The following PROM1 variants were observed in gnomAD, a reference collection of about 807,000 sequenced individuals.
PROM1 encodes the protein prominin 1, also known as prominin-1.
A neutral mutation model predicts 116.9 loss-of-function variants in PROM1; 105 were observed. The ratio of observed to expected loss-of-function variants is 0.90; its 90% CI spans 0.77 to 1.06. PROM1 has a LOEUF of 1.06. Among genes scored for constraint, PROM1 ranks in the 50% least tolerant of loss-of-function variants. PROM1 has a pLI of 0.00. For missense variants in PROM1, 1,122 were observed against 1,045.2 expected, an observed-to-expected ratio of 1.07 and a Z score of -1.01; for synonymous variants, 393 against 387.0, an observed-to-expected ratio of 1.02 and a Z score of -0.18.
rs564943608 is a variant in PROM1 at position 15,992,440 on chromosome 4, C to A, written c.1768-49G>T. ...TCAGTCCCTTATTCTCCAAGAATGTCACAAACCAAATGCTTTAAAAGAGCA... is the reference window on the plus strand; with the variant it reads ...TCAGTCCCTTATTCTCCAAGAATGTAACAAACCAAATGCTTTAAAAGAGCA... On this transcript the variant is annotated intron_variant, in intron 16 of 27. Coordinates refer to ENST00000447510, the MANE Select transcript of PROM1 (RefSeq NM_006017.3). 5 of 1,588,502 alleles carry A rather than the reference C, an allele frequency of 3.1e-6. 1 individual carries two copies. The South Asian group carries it at 5.6e-5, about 18-fold the overall frequency.
chr4:16,054,442 T>C (rs1025583672), intron 2 of PROM1, among the ~76,000 whole-genome samples: 1 of 152,234 alleles, frequency 6.6e-6, no homozygotes, highest in African/African-American at 2.4e-5. Flanking sequence ...TGTTCTAGCA[T>C]AATCATTACC....
intron 2 of PROM1, among the ~76,000 whole-genome samples, chr4:16,058,756 A>C (rs1315221683): frequency 1.3e-5 from 2 of 152,200 alleles, no homozygotes; most frequent in African/African-American, 2.4e-5. Context: ...TTAGGAAATA[A>C]GCATAAAAAT....
rs1245585495 is a variant in PROM1 at position 16,000,556 on chromosome 4, G to C, written c.1518C>G (p.Val506=). 1 of 1,590,998 alleles carries C rather than the reference G, an allele frequency of 6.3e-7. No homozygotes were observed. The highest frequency in any genetic ancestry group is 1.3e-5 in the African/African-American group (1 of 74,360). The change falls in exon 14 of 28, where the codon GTC becomes GTG. Residue 506 remains valine, a synonymous_variant. Transcript: ENST00000447510. ...ILMIIVVLTF[V]FGANVEKLIC... ...TCAGTTTTTCCACATTTGCACCAAA[G>C]ACAAAGGTAAGAACCACAATGATCA...
chr4:16,077,346 TGTCTATGATGC>T (rs1426016105), intron 1 of PROM1, among the ~76,000 whole-genome samples: 1 of 152,222 alleles, frequency 6.6e-6, no homozygotes, highest in Non-Finnish European at 1.5e-5. Flanking sequence ...TTCTTTACCT[TGTCTATGATGC>T]AGAAACCTTT....
intron 3 of PROM1, among the ~76,000 whole-genome samples, chr4:16,038,363 G>A (rs563104450): frequency 1.8e-4 from 27 of 152,236 alleles, no homozygotes; most frequent in African/African-American, 6.3e-4. Context: ...GAAAAGTAGC[G>A]TAATATTTCT....
At chr4:15,987,524 C>T (rs1719748744) in intron 20 of PROM1, 139 bp downstream of exon 20, 1 of 882,140 alleles carries the variant, frequency 1.1e-6, no homozygotes, top group African/African-American at 1.7e-5. Context: ...TAGGAAAGCC[C>T]AATTTGCTAT....
chr4:15,993,902 C>T, intron 16 of PROM1, 85 bp downstream of exon 16: 1 of 1,549,894 alleles, frequency 6.5e-7, no homozygotes, highest in Non-Finnish European at 8.7e-7. Context: ...TTGCAAATTT[C>T]ATCTCAATTT....
chr4:16,056,449 T>C (rs1187306735), intron 2 of PROM1, among the ~76,000 whole-genome samples: 3 of 152,096 alleles, frequency 2.0e-5, no homozygotes, highest in African/African-American at 4.8e-5. Context: ...TCTGGGGCTA[T>C]TGTATGGAGG....
At chr4:15,999,936 G>C (rs537906889) in intron 14 of PROM1, among the ~76,000 whole-genome samples, 13 of 152,198 alleles carry the variant, frequency 8.5e-5, no homozygotes, top group Non-Finnish European at 1.6e-4. Flanking sequence ...CTGCCAACTG[G>C]TCCCCCGGAG....
chr4:15,983,327 T>C (rs1432696804), intron 23 of PROM1, among the ~76,000 whole-genome samples: 2 of 152,194 alleles, frequency 1.3e-5, no homozygotes, highest in African/African-American at 4.8e-5. Flanking sequence ...ATGTGACCTC[T>C]CACTGAATCA....
At chr4:16,080,861 A>G (rs1235065198) in intron 1 of PROM1, among the ~76,000 whole-genome samples, 3 of 152,122 alleles carry the variant, frequency 2.0e-5, no homozygotes, top group Non-Finnish European at 4.4e-5. Flanking sequence ...TCATTCCAGC[A>G]ATGATGGCAG....
chr4:16,043,174 G>A (rs571609538), intron 2 of PROM1, among the ~76,000 whole-genome samples: 1 of 152,306 alleles, frequency 6.6e-6, no homozygotes, highest in African/African-American at 2.4e-5. Context: ...GACCCACAGT[G>A]TGTGAGTGAG....
At chr4:16,036,576 C>T (rs1733991839) in intron 3 of PROM1, among the ~76,000 whole-genome samples, 1 of 152,204 alleles carries the variant, frequency 6.6e-6, no homozygotes, top group Non-Finnish European at 1.5e-5. Context: ...TCACCAGACA[C>T]AAAGAAGCAC....
At position 16,033,441 on chromosome 4, in the gene PROM1, A is replaced by G. The variant is rs760877748; in HGVS notation, c.372T>C (p.Pro124=). Residue 124 remains proline, a synonymous_variant, in exon 5 of 28, where the codon CCT becomes CCC. Coordinates refer to ENST00000447510, the MANE Select transcript of PROM1 (RefSeq NM_006017.3). ...VLGLLFIILM[P]LVGYFFCMCR... is the part of the protein sequence containing the mutation. ...ACATACAAAAGAAATACCCCACCAG[A>G]GGCATCAGAATAATAAACAGCAGCC... The G allele has an allele frequency of 6.2e-7, 1 of 1,613,686 alleles. No individual in the cohort carries two copies. The highest frequency in any genetic ancestry group is 1.1e-5 in the South Asian group (1 of 90,992).
chr4:16,034,498 G>A (rs1733546490), intron 4 of PROM1, among the ~76,000 whole-genome samples: 1 of 152,146 alleles, frequency 6.6e-6, no homozygotes, highest in South Asian at 2.1e-4. Context: ...CCGTGTCTCA[G>A]ACGGTTCCTG....
chr4:16,042,717 C>T (rs1735626950), intron 2 of PROM1, among the ~76,000 whole-genome samples: 1 of 152,186 alleles, frequency 6.6e-6, no homozygotes, highest in South Asian at 2.1e-4. Flanking sequence ...AAAACTAGCA[C>T]TTGCACAGTT....
Position 16,076,070 on chromosome 4 carries a change from G to A in PROM1, c.-164C>T, listed in dbSNP as rs1743892978. The A allele has an allele frequency of 1.0e-5, 14 of 1,375,198 alleles. No individual in the cohort carries two copies. The highest frequency in any genetic ancestry group is 1.1e-5 in the Non-Finnish European group (11 of 1,047,588). 85.2% of individuals were successfully genotyped at this position (1,375,198 alleles called of 1,614,324 possible). On this transcript the variant is annotated 5_prime_UTR_variant, in exon 2 of 28. Coordinates refer to ENST00000447510, the MANE Select transcript of PROM1 (RefSeq NM_006017.3). ...TGTCTGAGGCTGGCTTGAGGCGAGG[G>A]ATGCGGAAGAATGTTCTCCAAGGGG...
intron 20 of PROM1, among the ~76,000 whole-genome samples, chr4:15,987,232 G>A (rs1010697647): frequency 9.9e-5 from 15 of 152,180 alleles, no homozygotes; most frequent in African/African-American, 3.1e-4. Context: ...CCACTATGAG[G>A]ACATGAGGTG....
At chr4:16,080,287 G>A (rs1040759101) in intron 1 of PROM1, among the ~76,000 whole-genome samples, 3 of 151,952 alleles carry the variant, frequency 2.0e-5, no homozygotes, top group African/African-American at 7.2e-5. Flanking sequence ...TTGGGAGGCC[G>A]AGGCGGGCGG....
Sources: gnomAD v4.1 joint callset for allele counts (sites outside exome capture counted in the v4.1 genomes callset) on GRCh38, gnomAD v4.1.1 for gene constraint, MANE v1.5 for transcripts, NCBI Gene and HGNC (gene_info 2026-07-23, HGNC 2026-07-21) for gene names.